Variants in NADK2 observed in about 807,000 individuals in gnomAD.
The protein encoded by NADK2 is NAD kinase 2, mitochondrial.
NADK2 carries 35 observed loss-of-function variants against 62.1 expected under a neutral mutation model. That is an observed-to-expected ratio of 0.56 (90% CI 0.43 to 0.75). The LOEUF is 0.75. NADK2 is among the 30% of genes least tolerant of loss of function. The pLI, the probability that NADK2 is intolerant of heterozygous loss-of-function variation, is 0.00. For missense variants in NADK2, 439 were observed against 561.3 expected, an observed-to-expected ratio of 0.78 and a Z score of 2.20; for synonymous variants, 205 against 207.9, an observed-to-expected ratio of 0.99 and a Z score of 0.12.
At position 36,241,716 on chromosome 5, in the gene NADK2, G is replaced by C. The variant is rs887487669; in HGVS notation, c.83C>G (p.Ala28Gly). Reference sequence around the variant, plus strand: ...CCGGGGCCGCGCGGCGGGGCCTCCCGCACCCGGTCCCCGCAGCGCCGCCGC... The same window carrying C: ...CCGGGGCCGCGCGGCGGGGCCTCCCCCACCCGGTCCCCGCAGCGCCGCCGC... ...GRAAALRGPG[A>G]GGPAARPRLG... is the part of the protein sequence containing the mutation. Residue 28 changes from alanine to glycine, a missense_variant, in exon 1 of 12, where the codon GCG (alanine) becomes GGG (glycine). By Grantham distance (60) the Ala-to-Gly change is moderately conservative. Coordinates refer to ENST00000381937, the MANE Select transcript of NADK2 (RefSeq NM_001085411.3). This position sits in a 1 kb window ranked among gnomAD's most constrained non-coding sequence, Gnocchi z 4.9. 1.7e-6 allele frequency: 2 copies of C among 1,162,064 alleles called. No individual in the cohort carries two copies. 72.0% of individuals were successfully genotyped at this position (1,162,064 alleles called of 1,614,324 possible). A position where few individuals can be genotyped will look rare whatever the true frequency, so the allele number is the denominator to read the frequency against.
In NADK2 at chr5:36,200,209, T is replaced by C; in HGVS notation, c.1066+18A>G. The C allele has an allele frequency of 6.4e-7, 1 of 1,555,042 alleles. No individual in the cohort carries two copies. ...AACAGAACTAAACTGTTAGTGATTA[T>C]TATCATTTGTCACTGACCTTTCTCT... On this transcript the variant is annotated intron_variant, in intron 10 of 11. Transcript: ENST00000381937.
intron 4 of NADK2, among the ~76,000 whole-genome samples, chr5:36,222,703 G>C (rs893697303): frequency 6.6e-5 from 10 of 152,192 alleles, no homozygotes; most frequent in African/African-American, 2.4e-4. Context: ...GGATGAGTTA[G>C]AAGGAGAGAG....
At chr5:36,226,018 G>A (rs1021594315) in intron 3 of NADK2, among the ~76,000 whole-genome samples, 3 of 152,100 alleles carry the variant, frequency 2.0e-5, no homozygotes, top group African/African-American at 4.8e-5. Flanking sequence ...TATCCAATGT[G>A]TCCAACTTCA....
intron 8 of NADK2, among the ~76,000 whole-genome samples, chr5:36,202,886 T>C (rs1746497886): frequency 6.6e-6 from 1 of 152,108 alleles, no homozygotes; most frequent in Admixed American, 6.6e-5. Flanking sequence ...AATAGACTTA[T>C]ACTGTGTTAA....
intron 8 of NADK2, among the ~76,000 whole-genome samples, chr5:36,206,313 A>AG (rs1746635633): frequency 6.7e-6 from 1 of 149,870 alleles, no homozygotes; most frequent in Non-Finnish European, 1.5e-5. Context: ...TTTAAAGTTA[A>AG]AAAAAAAAAA....
Position 36,206,311 on chromosome 5 carries a change from T to TAA in NADK2, c.956+857_956+858dup, listed in dbSNP as rs11397432. On this transcript the variant is annotated intron_variant, in intron 8 of 11. Coordinates refer to ENST00000381937, the MANE Select transcript of NADK2 (RefSeq NM_001085411.3). ...GTATAATAATAATTTTTTTTAAAGT[T>TAA]AAAAAAAAAAAAGGAATATTACTCT... Among the ~76,000 whole-genome samples the TAA allele has an allele frequency of 9.6e-3, 1,386 of 144,608 alleles. 22 individuals carry two copies. The highest frequency in any genetic ancestry group is 0.031 in the African/African-American group (1,224 of 39,564). The allele number at this position is 144,608 out of a possible 152,430, so 94.9% of individuals were successfully genotyped here. A position where few individuals can be genotyped will look rare whatever the true frequency, so the allele number is the denominator to read the frequency against.
At chr5:36,219,291 A>G (rs2112137394) in intron 5 of NADK2, among the ~76,000 whole-genome samples, 1 of 152,130 alleles carries the variant, frequency 6.6e-6, no homozygotes. Context: ...GCTCACTGGA[A>G]CCTCTACCTC....
At chr5:36,215,075 G>A (rs1260968939) in intron 6 of NADK2, among the ~76,000 whole-genome samples, 2 of 152,010 alleles carry the variant, frequency 1.3e-5, no homozygotes, top group African/African-American at 2.4e-5. Flanking sequence ...TCGAATTTTG[G>A]TATCTGCAGA....
chr5:36,196,724 G>C (rs1466502085), intron 11 of NADK2, among the ~76,000 whole-genome samples: 1 of 152,016 alleles, frequency 6.6e-6, no homozygotes, highest in Non-Finnish European at 1.5e-5. Context: ...TCTCCTATTA[G>C]CAAAAACTTA....
intron 1 of NADK2, among the ~76,000 whole-genome samples, chr5:36,237,511 A>G (rs1481517706): frequency 6.6e-6 from 1 of 152,252 alleles, no homozygotes; most frequent in Non-Finnish European, 1.5e-5. Context: ...ATGACAAATG[A>G]CAAGTAACAG....
Position 36,241,202 on chromosome 5 carries a change from G to A in NADK2, c.300+297C>T, listed in dbSNP as rs1748101569. ...CGAATCCTCAAACCCCTCACTCTGA[G>A]GCCACTCGGCAGCCCCTCTTCGCCC... On this transcript the variant is annotated intron_variant, in intron 1 of 11. Transcript: ENST00000381937. This position sits in a 1 kb window ranked among gnomAD's most constrained non-coding sequence, Gnocchi z 4.9. Among the ~76,000 whole-genome samples, 1 of 152,146 alleles carries A rather than the reference G, an allele frequency of 6.6e-6. No individual in the cohort carries two copies. The highest frequency in any genetic ancestry group is 1.5e-5 in the Non-Finnish European group (1 of 68,010).
At chr5:36,234,792 A>C (rs1747842224) in intron 1 of NADK2, among the ~76,000 whole-genome samples, 1 of 152,216 alleles carries the variant, frequency 6.6e-6, no homozygotes, top group African/African-American at 2.4e-5. Context: ...GAAATATCTC[A>C]TAACTGAAAA....
intron 8 of NADK2, among the ~76,000 whole-genome samples, chr5:36,203,444 G>C: frequency 6.6e-6 from 1 of 152,090 alleles, no homozygotes. Context: ...ATCAGTAATG[G>C]AAGAGGGGAG....
At chr5:36,215,637 ACTCT>A (rs1747013981) in intron 6 of NADK2, among the ~76,000 whole-genome samples, 1 of 152,024 alleles carries the variant, frequency 6.6e-6, no homozygotes, top group East Asian at 1.9e-4. Context: ...CTATCACTGT[ACTCT>A]CTATCTTCAT....
intron 5 of NADK2, among the ~76,000 whole-genome samples, chr5:36,218,500 C>T (rs1747133616): frequency 6.6e-6 from 1 of 152,176 alleles, no homozygotes; most frequent in South Asian, 2.1e-4. Flanking sequence ...AATATACTTC[C>T]ACTTGGTAGC....
chr5:36,193,094 G>A lies in NADK2; in HGVS notation c.*2050C>T, dbSNP rs1044289318. On this transcript the variant is annotated 3_prime_UTR_variant, in exon 12 of 12. Coordinates refer to ENST00000381937, the MANE Select transcript of NADK2 (RefSeq NM_001085411.3). ...TATGGCTTATAATTTTACACAGCAA[G>A]TTACCTATTAATATGTTACATATTA... 1 of 152,092 alleles carries A rather than the reference G, an allele frequency of 6.6e-6. No individual in the cohort carries two copies. The highest frequency in any genetic ancestry group is 1.5e-5 in the Non-Finnish European group (1 of 68,028). The allele number at this position is 152,092 out of a possible 1,614,324, so 9.4% of individuals were successfully genotyped here.
chr5:36,200,237 C>A lies in NADK2; in HGVS notation c.1056G>T (p.Leu352Phe), dbSNP rs1029717568. The change falls in exon 10 of 12, where the codon TTG (leucine) becomes TTT (phenylalanine). Residue 352 changes from leucine to phenylalanine, a missense_variant. Physicochemically the swap from Leu to Phe is conservative, Grantham distance 22. Coordinates refer to ENST00000381937, the MANE Select transcript of NADK2 (RefSeq NM_001085411.3). Reference protein sequence around the residue: ...GNLSLPLNRELVEKVTNEYNE... With the variant: ...GNLSLPLNREFVEKVTNEYNE... ...TCATTTGTCACTGACCTTTCTCTACCAATTCTCTGTTCAATGGAAGACTCA... is the reference window on the plus strand; with the variant it reads ...TCATTTGTCACTGACCTTTCTCTACAAATTCTCTGTTCAATGGAAGACTCA... The A allele has an allele frequency of 1.3e-6, 2 of 1,580,872 alleles. No individual in the cohort carries two copies. Among genetic ancestry groups the A allele is most frequent in the Non-Finnish European group, 1.7e-6 (2 of 1,163,178 alleles).
At chr5:36,200,803 A>G (rs762967050) in intron 9 of NADK2, among the ~76,000 whole-genome samples, 1 of 151,988 alleles carries the variant, frequency 6.6e-6, no homozygotes, top group African/African-American at 2.4e-5. Flanking sequence ...ATTTAACTTA[A>G]TAACGGCCCC....
At chr5:36,240,646 G>A (rs1748072688) in intron 1 of NADK2, among the ~76,000 whole-genome samples, 1 of 152,146 alleles carries the variant, frequency 6.6e-6, no homozygotes, top group African/African-American at 2.4e-5. Flanking sequence ...AGTTGGTGGG[G>A]GGGGATGACA....
Sources: allele counts gnomAD v4.1 joint callset (sites outside exome capture counted in the v4.1 genomes callset), GRCh38; gene constraint gnomAD v4.1.1; non-coding constraint Gnocchi (gnomAD v3.1); transcripts MANE v1.5; gene names NCBI Gene and HGNC (gene_info 2026-07-23, HGNC 2026-07-21).